Variants in USP22 observed in about 807,000 individuals in gnomAD.
USP22 encodes ubiquitin specific peptidase 22.
Under a neutral mutation model 68.1 loss-of-function variants are expected in USP22, and 22 were observed. The ratio of observed to expected loss-of-function variants is 0.32; its 90% CI spans 0.23 to 0.46. The LOEUF (loss-of-function observed/expected upper bound fraction) is 0.46, where lower values mean the gene tolerates loss of function less well. Ranked by LOEUF, USP22 falls within the 20% of genes least tolerant of loss-of-function variation. USP22 has a pLI of 1.00. For synonymous variants in USP22, 279 were observed against 274.2 expected (o/e 1.02, Z -0.17); for missense variants, 433 against 695.8 (o/e 0.62, Z 4.25).
chr17:21,015,615 G>C lies in USP22; in HGVS notation c.838+137C>G, dbSNP rs533708137. 4.4e-5 allele frequency: 55 copies of C among 1,247,308 alleles called. No homozygotes were observed. In the African/African-American group the frequency reaches 8.0e-4, roughly 18 times the overall value. The allele number at this position is 1,247,308 out of a possible 1,614,324, so 77.3% of individuals were successfully genotyped here. On this transcript the variant is annotated intron_variant, in intron 6 of 12. Transcript: ENST00000261497. Reference sequence around the variant, plus strand: ...TATGGTGACTTCAGAAACAAATGACGACAAGGGCTATGATGACAAAACAAT... The same window carrying C: ...TATGGTGACTTCAGAAACAAATGACCACAAGGGCTATGATGACAAAACAAT...
chr17:21,042,504 G>A lies in USP22; in HGVS notation c.171+161C>T, dbSNP rs979628798. ...GTTGAGGGGGGAAGGAAAGGAGGGG[G>A]AAGGGGTAAAGAGAAGAGAGGGCAG... is the stretch of plus-strand genomic sequence containing the variant. On this transcript the variant is annotated intron_variant, in intron 1 of 12. Coordinates refer to ENST00000261497, the MANE Select transcript of USP22 (RefSeq NM_015276.2). Among the ~76,000 whole-genome samples the A allele has an allele frequency of 5.6e-5, 8 of 143,160 alleles. No individual in the cohort carries two copies. The South Asian group carries it at 7.3e-4, about 13-fold the overall frequency. 93.9% of individuals were successfully genotyped at this position (143,160 alleles called of 152,430 possible).
intron 2 of USP22, among the ~76,000 whole-genome samples, chr17:21,025,988 G>A (rs976048720): frequency 1.4e-4 from 21 of 152,198 alleles, no homozygotes; most frequent in Admixed American, 3.3e-4. Flanking sequence ...GGCCAGGCGC[G>A]GTGGCTCATG....
chr17:21,027,409 A>G (rs1418906838), intron 2 of USP22, among the ~76,000 whole-genome samples: 1 of 151,912 alleles, frequency 6.6e-6, no homozygotes, highest in Non-Finnish European at 1.5e-5. Flanking sequence ...ACGTGGGTGC[A>G]GTGACTTTAT....
chr17:21,007,073 G>A, intron 9 of USP22, 86 bp from the exon 10 acceptor site: 5 of 1,144,998 alleles, frequency 4.4e-6, no homozygotes, highest in South Asian at 1.5e-5. Context: ...CTGATGACAG[G>A]TGTCTGTGTT....
chr17:21,017,077 A>T (rs964721919), intron 5 of USP22, among the ~76,000 whole-genome samples: 9 of 152,314 alleles, frequency 5.9e-5, no homozygotes, highest in African/African-American at 2.2e-4. Flanking sequence ...GAAATCGGTT[A>T]GGCTCGACCA....
intron 2 of USP22, among the ~76,000 whole-genome samples, chr17:21,022,798 CAAAAAA>C (rs574597364): frequency 1.6e-5 from 2 of 127,668 alleles, no homozygotes; most frequent in Admixed American, 8.1e-5. Flanking sequence ...GACTCCGTCT[CAAAAAA>C]AAAAAAAAAC....
In USP22 at chr17:21,004,777, CTGCGGGCAGCCAA is replaced by C; in HGVS notation, c.1385+138_1385+150del. Reference sequence around the variant, plus strand: ...CGTGGAGCGGCCTTTCCTAGTGGAGCTGCGGGCAGCCAATAGTGGAGCTGCGGGCAGCCAAGCG... The same window carrying C: ...CGTGGAGCGGCCTTTCCTAGTGGAGCTAGTGGAGCTGCGGGCAGCCAAGCG... On this transcript the variant is annotated intron_variant, in intron 11 of 12. Transcript: ENST00000261497. 32 of 87,220 alleles carry C rather than the reference CTGCGGGCAGCCAA, an allele frequency of 3.7e-4. 6 individuals carry two copies. Among genetic ancestry groups the C allele is most frequent in the Middle Eastern group, 6.5e-3 (2 of 308 alleles). 5.4% of individuals were successfully genotyped at this position (87,220 alleles called of 1,614,324 possible). A position where few individuals can be genotyped will look rare whatever the true frequency, so the allele number is the denominator to read the frequency against.
At chr17:21,011,023 C>A in intron 8 of USP22, 128 bp downstream of exon 8, 1 of 1,288,986 alleles carries the variant, frequency 7.8e-7, no homozygotes, top group Non-Finnish European at 1.0e-6. Flanking sequence ...TGCAGCCAAT[C>A]CAGGCTCATG....
At chr17:21,024,744 G>A (rs1465059844) in intron 2 of USP22, among the ~76,000 whole-genome samples, 1 of 152,144 alleles carries the variant, frequency 6.6e-6, no homozygotes, top group Non-Finnish European at 1.5e-5. Context: ...GAGATGGGAG[G>A]ATCACTTGAG....
rs1261646511 is a variant in USP22 at position 21,015,915 on chromosome 17, G to C, written c.691-16C>G. 5 of 1,612,938 alleles carry C rather than the reference G, an allele frequency of 3.1e-6. No homozygotes were observed. In the South Asian group the frequency reaches 4.4e-5, roughly 14 times the overall value. On this transcript the variant is annotated splice_polypyrimidine_tract_variant and intron_variant, in intron 5 of 12. Transcript: ENST00000261497. ...CAGAGTAAAACTGCCAGAGGGCGGG[G>C]AAGGAAACCTTGTCAGGAATAAATG... is the stretch of plus-strand genomic sequence containing the variant.
rs1381144678 is a variant in USP22 at position 21,000,059 on chromosome 17, A to G, written c.*2972T>C. On this transcript the variant is annotated 3_prime_UTR_variant, in exon 13 of 13. Coordinates refer to ENST00000261497, the MANE Select transcript of USP22 (RefSeq NM_015276.2). ...TCAGGCATCTGAAGAGGGAAAGGCC[A>G]TGTGTCTTCCTGGGAGGCACTGAAA... 4 of 152,226 alleles carry G rather than the reference A, an allele frequency of 2.6e-5. No individual in the cohort carries two copies. Among genetic ancestry groups the G allele is most frequent in the Admixed American group, 1.3e-4 (2 of 15,282 alleles). The allele number at this position is 152,226 out of a possible 1,614,324, so 9.4% of individuals were successfully genotyped here. A position where few individuals can be genotyped will look rare whatever the true frequency, so the allele number is the denominator to read the frequency against.
intron 4 of USP22, among the ~76,000 whole-genome samples, chr17:21,018,811 C>A (rs1338301286): frequency 1.3e-5 from 2 of 152,220 alleles, no homozygotes; most frequent in Non-Finnish European, 2.9e-5. Flanking sequence ...TGCCCAGCCT[C>A]ACCCTGGCCA....
At position 21,042,693 on chromosome 17, in the gene USP22, C is replaced by T. The variant is rs1972456273; in HGVS notation, c.143G>A (p.Ser48Asn). The T allele has an allele frequency of 7.2e-7, 1 of 1,385,582 alleles. No individual in the cohort carries two copies. The highest frequency in any genetic ancestry group is 9.5e-7 in the Non-Finnish European group (1 of 1,058,106). The allele number at this position is 1,385,582 out of a possible 1,614,324, so 85.8% of individuals were successfully genotyped here. A position where few individuals can be genotyped will look rare whatever the true frequency, so the allele number is the denominator to read the frequency against. Residue 48 changes from serine to asparagine, a missense_variant, in exon 1 of 13, where the codon AGC becomes AAC. Coordinates refer to ENST00000261497, the MANE Select transcript of USP22 (RefSeq NM_015276.2). ...LRAIYQCFVWSGTAEARKRKA... is the reference protein window; with the variant it reads ...LRAIYQCFVWNGTAEARKRKA... ...GCGCTTGCGGGCCTCAGCCGTGCCG[C>T]TCCACACGAAGCACTGGTAGATGGC... is the stretch of plus-strand genomic sequence containing the variant.
intron 8 of USP22, among the ~76,000 whole-genome samples, chr17:21,009,411 A>T (rs1173652701): frequency 6.6e-6 from 1 of 152,164 alleles, no homozygotes; most frequent in Non-Finnish European, 1.5e-5. Context: ...TAGCTTTGTG[A>T]TCTGCTCTCC....
At chr17:21,020,731 T>C (rs1334754570) in intron 3 of USP22, among the ~76,000 whole-genome samples, 2 of 152,220 alleles carry the variant, frequency 1.3e-5, no homozygotes, top group African/African-American at 4.8e-5. Context: ...GATGTCCAGA[T>C]ACGGAGTCAC....
chr17:21,033,753 AT>A (rs34176328), intron 1 of USP22, among the ~76,000 whole-genome samples: 222 of 146,068 alleles, frequency 1.5e-3, no homozygotes, highest in African/African-American at 3.8e-3. Flanking sequence ...GACAGGTATA[AT>A]TTTTTTTTTT....
chr17:21,011,587 G>A (rs1348147883), intron 7 of USP22: 4 of 399,858 alleles, frequency 1.0e-5, no homozygotes, highest in Non-Finnish European at 1.9e-5. Flanking sequence ...GTCACTGAGG[G>A]ACTTGGGAGG....
chr17:21,012,763 A>G, intron 7 of USP22, 67 bp downstream of exon 7: 1 of 1,403,718 alleles, frequency 7.1e-7, no homozygotes, highest in Non-Finnish European at 1.0e-6. Flanking sequence ...ACAGCTCTGG[A>G]GACTGGGAGG....
Position 21,015,882 on chromosome 17 carries a change from C to G in USP22, c.708G>C (p.Arg236=), listed in dbSNP as rs373734111. 1 of 1,613,908 alleles carries G rather than the reference C, an allele frequency of 6.2e-7. No individual in the cohort carries two copies. The highest frequency in any genetic ancestry group is 1.3e-5 in the African/African-American group (1 of 74,896). ...SLFQEFYSGH[R]SPHIPYKLLH... The stretch of plus-strand genomic sequence containing the variant: ...GCAACTTATACGGGATGTGAGGGGA[C>G]CGGTGTCCAGAGTAAAACTGCCAGA... Residue 236 remains arginine, a synonymous_variant, in exon 6 of 13, where the codon CGG becomes CGC. Transcript: ENST00000261497.
Sources: allele counts gnomAD v4.1 joint callset (sites outside exome capture counted in the v4.1 genomes callset), GRCh38; gene constraint gnomAD v4.1.1; transcripts MANE v1.5; gene names NCBI Gene and HGNC (gene_info 2026-07-23, HGNC 2026-07-21).